FHIT: variants seen among roughly 807,000 people sequenced by gnomAD.
The protein encoded by FHIT is bis(5'-adenosyl)-triphosphatase.
A neutral mutation model predicts 17.9 loss-of-function variants in FHIT; 19 were observed. That is an observed-to-expected ratio of 1.06 (90% confidence interval 0.74 to 1.56). The LOEUF (loss-of-function observed/expected upper bound fraction) is 1.56, where lower values mean the gene tolerates loss of function less well. Ranked by LOEUF, FHIT falls within the 40% of genes most tolerant of loss-of-function variation. The pLI, the probability that FHIT is intolerant of heterozygous loss-of-function variation, is 0.00. For synonymous variants in FHIT, 81 were observed against 69.7 expected (o/e 1.16, Z -0.81); for missense variants, 248 against 189.2 (o/e 1.31, Z -1.82).
At chr3:61,169,640 G>A (rs1419542228) in intron 2 of FHIT, among the ~76,000 whole-genome samples, 1 of 152,116 alleles carries the variant, frequency 6.6e-6, no homozygotes, top group Non-Finnish European at 1.5e-5. Flanking sequence ...GAACTTCTTT[G>A]TTCCCTTTTA....
chr3:61,054,257 T>C (rs980944370), intron 2 of FHIT, among the ~76,000 whole-genome samples: 1 of 152,224 alleles, frequency 6.6e-6, no homozygotes, highest in African/African-American at 2.4e-5. Flanking sequence ...GTTGTGCTAA[T>C]AAATTCCCCA....
intron 2 of FHIT, among the ~76,000 whole-genome samples, chr3:61,113,222 C>G (rs1478141342): frequency 6.6e-6 from 1 of 151,968 alleles, no homozygotes; most frequent in African/African-American, 2.4e-5. Context: ...GTTGCCCAGG[C>G]TGCTCTCAAA....
intron 5 of FHIT, among the ~76,000 whole-genome samples, chr3:60,137,427 C>T (rs1699861854): frequency 6.6e-6 from 1 of 152,186 alleles, no homozygotes. Flanking sequence ...CTTTAGAAAA[C>T]TAACAATTAA....
intron 4 of FHIT, among the ~76,000 whole-genome samples, chr3:60,612,405 G>T (rs1471631511): frequency 2.0e-5 from 3 of 152,096 alleles, no homozygotes; most frequent in African/African-American, 7.2e-5. Flanking sequence ...GTACCAACTA[G>T]ATTACTCCAC....
At chr3:60,404,308 G>A (rs188891792) in intron 5 of FHIT, among the ~76,000 whole-genome samples, 10 of 143,246 alleles carry the variant, frequency 7.0e-5, no homozygotes, top group Non-Finnish European at 1.2e-4. Flanking sequence ...CAAAAATTTC[G>A]AGGCTATTTA....
intron 8 of FHIT, among the ~76,000 whole-genome samples, chr3:59,866,104 C>G (rs1028333300): frequency 6.6e-6 from 1 of 152,118 alleles, no homozygotes; most frequent in African/African-American, 2.4e-5. Flanking sequence ...ATAGACGATA[C>G]AGAGACCAGC....
chr3:60,910,125 GC>G (rs1706655473), intron 3 of FHIT, among the ~76,000 whole-genome samples: 1 of 152,098 alleles, frequency 6.6e-6, no homozygotes. Context: ...CAATTGAGGT[GC>G]CCCATCTCTC....
intron 5 of FHIT, among the ~76,000 whole-genome samples, chr3:60,215,562 C>T (rs918230658): frequency 1.3e-5 from 2 of 151,600 alleles, no homozygotes; most frequent in African/African-American, 4.9e-5. Context: ...TACTCCATCT[C>T]AAAAAATAAA....
intron 8 of FHIT, among the ~76,000 whole-genome samples, chr3:59,755,112 C>T (rs979210542): frequency 2.7e-5 from 4 of 149,028 alleles, no homozygotes; most frequent in Non-Finnish European, 4.5e-5. Context: ...AAAGAATCCG[C>T]TTGCCTTTAA....
intron 5 of FHIT, among the ~76,000 whole-genome samples, chr3:60,168,602 T>A (rs1040487035): frequency 1.3e-5 from 2 of 152,122 alleles, no homozygotes; most frequent in African/African-American, 4.8e-5. Flanking sequence ...CAGTAATTCA[T>A]ATGGGTTGAG....
At chr3:60,875,828 G>A (rs535593984) in intron 3 of FHIT, among the ~76,000 whole-genome samples, 40 of 152,022 alleles carry the variant, frequency 2.6e-4, no homozygotes, top group African/African-American at 9.2e-4. Flanking sequence ...TATGCAGGTA[G>A]TAAGTAGCAG....
At chr3:59,992,589 G>T (rs1349092284) in intron 7 of FHIT, among the ~76,000 whole-genome samples, 1 of 152,052 alleles carries the variant, frequency 6.6e-6, no homozygotes, top group Non-Finnish European at 1.5e-5. Context: ...GCAAAAACTA[G>T]TATTTCATCT....
chr3:61,112,192 C>T (rs538849708), intron 2 of FHIT, among the ~76,000 whole-genome samples: 7 of 152,008 alleles, frequency 4.6e-5, no homozygotes, highest in Middle Eastern at 3.4e-3. Flanking sequence ...TGAAGGTATG[C>T]GGAATAATTC....
At chr3:60,095,169 T>C (rs985811979) in intron 5 of FHIT, among the ~76,000 whole-genome samples, 4 of 152,190 alleles carry the variant, frequency 2.6e-5, no homozygotes, top group Admixed American at 6.5e-5. Flanking sequence ...GGCGTGTTGA[T>C]AGCCAAGAGG....
At chr3:60,711,610 G>A (rs142692889) in intron 4 of FHIT, among the ~76,000 whole-genome samples, 5,705 of 152,260 alleles carry the variant, frequency 0.037, 375 homozygotes, top group African/African-American at 0.13. Flanking sequence ...GCCAAGGCTC[G>A]AGAACTACGT....
At chr3:60,388,417 T>G (rs1347144342) in intron 5 of FHIT, among the ~76,000 whole-genome samples, 4 of 151,970 alleles carry the variant, frequency 2.6e-5, no homozygotes, top group Non-Finnish European at 4.4e-5. Context: ...CTGGGCAACA[T>G]GGAAAAACCC....
At chr3:60,169,934 T>G (rs1701344400) in intron 5 of FHIT, among the ~76,000 whole-genome samples, 1 of 152,162 alleles carries the variant, frequency 6.6e-6, no homozygotes, top group African/African-American at 2.4e-5. Flanking sequence ...AAAGAGGAAG[T>G]ACTACACATG....
intron 5 of FHIT, among the ~76,000 whole-genome samples, chr3:60,343,569 C>CTAA (rs1710630171): frequency 6.6e-6 from 1 of 152,180 alleles, no homozygotes; most frequent in African/African-American, 2.4e-5. Flanking sequence ...AGATATGCTA[C>CTAA]TAATACCACC....
intron 5 of FHIT, among the ~76,000 whole-genome samples, chr3:60,219,975 G>A (rs757195209): frequency 3.9e-5 from 6 of 152,114 alleles, no homozygotes; most frequent in Non-Finnish European, 8.8e-5. Flanking sequence ...ACTTGCAGCC[G>A]AGGAAAATCC....
Sources: allele counts gnomAD v4.1 joint callset (sites outside exome capture counted in the v4.1 genomes callset), GRCh38; gene constraint gnomAD v4.1.1; transcripts MANE v1.5; gene names NCBI Gene and HGNC (gene_info 2026-07-23, HGNC 2026-07-21).